NAV3: variants seen among roughly 807,000 people sequenced by gnomAD.
The protein encoded by NAV3 is pore membrane and/or filament interacting like protein 1.
In NAV3, 87 loss-of-function variants were observed where a neutral mutation model predicts 244.7. That is an observed-to-expected ratio of 0.36 (90% CI 0.30 to 0.42). The LOEUF (loss-of-function observed/expected upper bound fraction) is 0.42. Among genes scored for constraint, NAV3 ranks in the 20% least tolerant of loss-of-function variants. NAV3 has a pLI of 1.00. For missense variants in NAV3, 2,663 were observed against 2,893.3 expected, an observed-to-expected ratio of 0.92 and a Z score of 1.83; for synonymous variants, 1,126 against 1,042.2, an observed-to-expected ratio of 1.08 and a Z score of -1.55.
At chr12:78,137,879 C>A (rs1221291715) in intron 19 of NAV3, among the ~76,000 whole-genome samples, 3 of 152,058 alleles carry the variant, frequency 2.0e-5, no homozygotes, top group African/African-American at 7.2e-5. Context: ...AAAATTGTCA[C>A]CTAACCTAAT....
intron 30 of NAV3, among the ~76,000 whole-genome samples, chr12:78,185,215 T>A (rs1958660920): frequency 6.6e-6 from 1 of 151,856 alleles, no homozygotes; most frequent in African/African-American, 2.4e-5. Flanking sequence ...TACATGGATA[T>A]TGAGCTTGGA....
intron 30 of NAV3, among the ~76,000 whole-genome samples, chr12:78,183,567 G>A (rs1441346825): frequency 6.6e-6 from 1 of 151,806 alleles, no homozygotes; most frequent in Non-Finnish European, 1.5e-5. Flanking sequence ...CCAGGACCTG[G>A]ACTTTTCACT....
chr12:78,192,552 C>T (rs2139917198), intron 34 of NAV3, among the ~76,000 whole-genome samples: 1 of 151,608 alleles, frequency 6.6e-6, no homozygotes, highest in East Asian at 1.9e-4. Context: ...ACTACAGGTG[C>T]CCACCACCAC....
chr12:77,688,461 T>C (rs1244749834), intron 2 of NAV3, among the ~76,000 whole-genome samples: 1 of 152,050 alleles, frequency 6.6e-6, no homozygotes, highest in Non-Finnish European at 1.5e-5. Flanking sequence ...TGTTATCTTA[T>C]TGTTTCATTT....
chr12:77,912,809 A>G (rs1357779662), intron 1 of NAV3, among the ~76,000 whole-genome samples: 2 of 150,142 alleles, frequency 1.3e-5, no homozygotes, highest in African/African-American at 2.4e-5. Context: ...ATGGGGTTTC[A>G]CCATATTGCT....
intron 12 of NAV3, among the ~76,000 whole-genome samples, chr12:78,105,213 C>T (rs1954742201): frequency 6.6e-6 from 1 of 151,978 alleles, no homozygotes; most frequent in African/African-American, 2.4e-5. Flanking sequence ...ATGTTATATC[C>T]TTATTAGCAT....
rs958124216 is a variant in NAV3, at chr12:78,129,579, A to G, written c.4441+713A>G. Among the ~76,000 whole-genome samples the G allele has an allele frequency of 2.0e-5, 3 of 152,310 alleles. No homozygotes were observed. In the South Asian group the frequency reaches 6.2e-4, roughly 32 times the overall value. On this transcript the variant is annotated intron_variant, in intron 18 of 39. Transcript: ENST00000397909. ...TAAAAGCACTCTGAGTAACAAAATAATTAAAGAAAACTAAACATGCCAGAT... is the reference window on the plus strand; with the variant it reads ...TAAAAGCACTCTGAGTAACAAAATAGTTAAAGAAAACTAAACATGCCAGAT...
intron 2 of NAV3, among the ~76,000 whole-genome samples, chr12:77,756,542 T>C (rs1869188488): frequency 6.6e-6 from 1 of 152,218 alleles, no homozygotes. Context: ...CTTTAGGAAC[T>C]GTGTGGTTTA....
intron 18 of NAV3, among the ~76,000 whole-genome samples, chr12:78,136,801 GC>G (rs1956391673): frequency 6.6e-6 from 1 of 152,106 alleles, no homozygotes; most frequent in East Asian, 1.9e-4. Flanking sequence ...TTTTGATTTT[GC>G]TTTTTCCATT....
chr12:78,192,216 C>T (rs115388516), intron 34 of NAV3, among the ~76,000 whole-genome samples: 2,537 of 151,580 alleles, frequency 0.017, 80 homozygotes, highest in African/African-American at 0.058. Flanking sequence ...GAAATATTTC[C>T]GACACTCTTA....
intron 27 of NAV3, 21 bp downstream of exon 27, chr12:78,177,334 A>G (rs1253430537): frequency 1.3e-6 from 2 of 1,594,350 alleles, no homozygotes; most frequent in Middle Eastern, 3.4e-4. Context: ...CCTTCTGCAA[A>G]ATGCAGACAT....
intron 2 of NAV3, among the ~76,000 whole-genome samples, chr12:77,748,456 A>C (rs1868671242): frequency 1.3e-5 from 2 of 152,222 alleles, no homozygotes; most frequent in Middle Eastern, 3.2e-3. Flanking sequence ...CTTTTAAATT[A>C]AGATGAATGC....
chr12:77,620,977 G>T (rs1042398385), intron 2 of NAV3, among the ~76,000 whole-genome samples: 18 of 152,206 alleles, frequency 1.2e-4, no homozygotes, highest in African/African-American at 4.3e-4. Flanking sequence ...AGCAGATGTG[G>T]TGGCACAAGT....
chr12:77,866,802 T>C (rs1156282915), intron 1 of NAV3, among the ~76,000 whole-genome samples: 1 of 152,236 alleles, frequency 6.6e-6, no homozygotes, highest in African/African-American at 2.4e-5. Flanking sequence ...CTTAGATCTA[T>C]AGTCAAATTC....
At chr12:77,744,773 T>A (rs889761388) in intron 2 of NAV3, among the ~76,000 whole-genome samples, 7 of 151,808 alleles carry the variant, frequency 4.6e-5, no homozygotes, top group Admixed American at 1.3e-4. Flanking sequence ...TTTTTTTTTT[T>A]AATTTTCATT....
chr12:77,734,269 T>G (rs911882837), intron 2 of NAV3, among the ~76,000 whole-genome samples: 2 of 152,050 alleles, frequency 1.3e-5, no homozygotes, highest in Non-Finnish European at 2.9e-5. Flanking sequence ...ATTTCTTTTT[T>G]TTTTTCTCCA....
chr12:77,887,919 A>G (rs952419278), intron 1 of NAV3, among the ~76,000 whole-genome samples: 1 of 152,050 alleles, frequency 6.6e-6, no homozygotes, highest in Non-Finnish European at 1.5e-5. Context: ...GCATTTAATT[A>G]TTTCAGTTTT....
chr12:78,075,901 G>A (rs1280183604), intron 12 of NAV3, among the ~76,000 whole-genome samples: 2 of 152,162 alleles, frequency 1.3e-5, no homozygotes, highest in African/African-American at 2.4e-5. Flanking sequence ...AATCCAGTGG[G>A]AGAGAAACAA....
In NAV3 at chr12:78,140,448, G is replaced by A. The variant is rs115213728; in HGVS notation, c.4683+114G>A. On this transcript the variant is annotated intron_variant, in intron 20 of 39. Transcript: ENST00000397909. ...CATCTATGACTTGCACAGGAGTTGTGTAGCAAAATAACGGCATACTCTAAG... is the reference window on the plus strand; with the variant it reads ...CATCTATGACTTGCACAGGAGTTGTATAGCAAAATAACGGCATACTCTAAG... 2,501 of 976,770 alleles carry A rather than the reference G, an allele frequency of 2.6e-3. 32 individuals carry two copies. The African/African-American group carries it at 0.034, about 13-fold the overall frequency. 60.5% of individuals were successfully genotyped at this position (976,770 alleles called of 1,614,324 possible).
Sources: allele counts gnomAD v4.1 joint callset (sites outside exome capture counted in the v4.1 genomes callset), GRCh38; gene constraint gnomAD v4.1.1; transcripts MANE v1.5; gene names NCBI Gene and HGNC (gene_info 2026-07-23, HGNC 2026-07-21).